The following LY96 variants were observed in gnomAD, a reference collection of about 807,000 sequenced individuals.
LY96 encodes the protein myeloid differentiation protein-2.
Under a neutral mutation model 18.9 loss-of-function variants are expected in LY96, and 18 were observed. The observed-to-expected ratio is 0.95, with a 90% CI of 0.66 to 1.41. The LOEUF is 1.41. Among genes scored for constraint, LY96 ranks in the 40% most tolerant of loss-of-function variants. The probability of loss-of-function intolerance (pLI) is 0.00; values close to 1 mark genes in which losing one functional copy is unlikely to be tolerated. For synonymous variants in LY96, 66 were observed against 62.6 expected, an observed-to-expected ratio of 1.06 and a Z score of -0.26; for missense variants, 175 against 182.4, an observed-to-expected ratio of 0.96 and a Z score of 0.23.
At chr8:74,042,526 A>G in the LY96 span, among the ~76,000 whole-genome samples, 1 of 152,226 alleles carries the variant, frequency 6.6e-6, no homozygotes, top group African/African-American at 2.4e-5. Context: ...CTCAAAAAAA[A>G]AAATTTGGGA....
the LY96 span, among the ~76,000 whole-genome samples, chr8:74,089,125 A>T: frequency 6.6e-6 from 1 of 152,108 alleles, no homozygotes; most frequent in Non-Finnish European, 1.5e-5. Context: ...CCTCTCATAT[A>T]CCTCAGGGGC....
At chr8:74,026,895 T>A in intron 4 of LY96, 54 bp downstream of exon 4, 1 of 905,162 alleles carries the variant, frequency 1.1e-6, no homozygotes, top group Admixed American at 1.9e-5. Flanking sequence ...AATAGACATG[T>A]TAAGCATTTG....
At chr8:74,023,574 G>A (rs1816811933) in intron 3 of LY96, among the ~76,000 whole-genome samples, 1 of 152,174 alleles carries the variant, frequency 6.6e-6, no homozygotes, top group African/African-American at 2.4e-5. Context: ...GCCCCCAGTC[G>A]TGGAGGAGCC....
chr8:74,088,143 T>TAGAATAGAATAGAATAGAAA, the LY96 span, among the ~76,000 whole-genome samples: 5 of 139,074 alleles, frequency 3.6e-5, no homozygotes, highest in South Asian at 2.4e-4. Flanking sequence ...TAGAATAGAA[T>TAGAATAGAATAGAATAGAAA]AGAATAGAAA....
In LY96 at chr8:74,010,031, T is replaced by C; in HGVS notation, c.233T>C (p.Leu78Pro). The change falls in exon 3 of 5, where the codon CTC becomes CCC. Residue 78 changes from leucine to proline, a missense_variant. Transcript: ENST00000284818. ...RRDLKQLYFN[L>P]YITVNTMNLP... ...GATTTAAAGCAATTATATTTCAATC[T>C]CTATATAACTGTCAACACCATGAAT... 6.2e-7 allele frequency: 1 copy of C among 1,606,252 alleles called. No individual in the cohort carries two copies. Among genetic ancestry groups the C allele is most frequent in the Non-Finnish European group, 8.5e-7 (1 of 1,172,996 alleles).
chr8:74,040,525 G>C, the LY96 span, among the ~76,000 whole-genome samples: 1 of 152,136 alleles, frequency 6.6e-6, no homozygotes, highest in African/African-American at 2.4e-5. Flanking sequence ...ATGAGAGATA[G>C]AGGTCTAGCT....
chr8:74,047,344 C>G, the LY96 span, among the ~76,000 whole-genome samples: 6 of 152,274 alleles, frequency 3.9e-5, no homozygotes, highest in East Asian at 1.2e-3. Flanking sequence ...CCTTGCACAG[C>G]CAAGAAGGTG....
chr8:74,005,535 C>T (rs1475674946), intron 2 of LY96, among the ~76,000 whole-genome samples: 7 of 152,140 alleles, frequency 4.6e-5, no homozygotes, highest in African/African-American at 1.4e-4. Flanking sequence ...TATTGGGTTT[C>T]CATTAGTCAA....
At chr8:74,028,472 T>C (rs75218174) in intron 4 of LY96, among the ~76,000 whole-genome samples, 2,067 of 152,278 alleles carry the variant, frequency 0.014, 38 homozygotes, top group African/African-American at 0.046. Flanking sequence ...AATGTGAACA[T>C]TGTTTAGGAG....
intron 3 of LY96, among the ~76,000 whole-genome samples, chr8:74,019,921 C>T (rs150525010): frequency 0.016 from 2,400 of 152,190 alleles, 25 homozygotes; most frequent in Non-Finnish European, 0.024. Context: ...GAACGTATCT[C>T]AAAATAATAA....
At chr8:73,994,172 G>A (rs1286821928) in intron 1 of LY96, among the ~76,000 whole-genome samples, 1 of 151,558 alleles carries the variant, frequency 6.6e-6, no homozygotes, top group Non-Finnish European at 1.5e-5. Context: ...CTTTATGAAG[G>A]AGGATCTTCC....
chr8:74,077,298 A>C, the LY96 span, among the ~76,000 whole-genome samples: 4 of 152,336 alleles, frequency 2.6e-5, no homozygotes, highest in East Asian at 7.7e-4. Flanking sequence ...TGATCTAAAC[A>C]GGCGCTTTAT....
the LY96 span, among the ~76,000 whole-genome samples, chr8:74,086,472 A>C: frequency 6.6e-6 from 1 of 152,164 alleles, no homozygotes; most frequent in Admixed American, 6.5e-5. Flanking sequence ...GTTCCAATTA[A>C]TCACGAGAAT....
chr8:74,082,408 A>G, the LY96 span, among the ~76,000 whole-genome samples: 3 of 152,206 alleles, frequency 2.0e-5, no homozygotes, highest in Admixed American at 1.3e-4. Flanking sequence ...AAGGCTTTCA[A>G]ATGCTTCCAA....
At chr8:74,016,553 G>GTC (rs1427846190) in intron 3 of LY96, among the ~76,000 whole-genome samples, 1 of 152,214 alleles carries the variant, frequency 6.6e-6, no homozygotes, top group African/African-American at 2.4e-5. Context: ...CGGACAGACT[G>GTC]TCTCCTCAAG....
the LY96 span, among the ~76,000 whole-genome samples, chr8:74,067,434 A>G: frequency 2.0e-5 from 3 of 152,158 alleles, no homozygotes; most frequent in African/African-American, 7.2e-5. Context: ...TACGTTGCCC[A>G]CACTGGTCTC....
intron 3 of LY96, among the ~76,000 whole-genome samples, chr8:74,010,756 A>G (rs1816513718): frequency 6.6e-6 from 1 of 152,090 alleles, no homozygotes; most frequent in Admixed American, 6.5e-5. Context: ...TGTCATCTTT[A>G]TAATGAGGGA....
chr8:74,035,056 A>AT, the LY96 span, among the ~76,000 whole-genome samples: 9 of 152,332 alleles, frequency 5.9e-5, no homozygotes, highest in African/African-American at 1.9e-4. Context: ...GAAGATATAT[A>AT]TTTAAAAACT....
At position 74,018,916 on chromosome 8, in the gene LY96, T is replaced by G. The variant is rs182751996; in HGVS notation, c.332-7873T>G. 4.2e-3 allele frequency among the ~76,000 whole-genome samples: 639 copies of G among 152,284 alleles called. 20 individuals carry two copies. Among genetic ancestry groups the G allele is most frequent in the Admixed American group, 0.038 (575 of 15,290 alleles). On this transcript the variant is annotated intron_variant, in intron 3 of 4. Transcript: ENST00000284818. The stretch of plus-strand genomic sequence containing the variant: ...ACGTACCAGAATCTCTGGGACACAT[T>G]TAAATCAGTGTGTAGAGGGAAATTT...
Sources: allele counts gnomAD v4.1 joint callset (sites outside exome capture counted in the v4.1 genomes callset), GRCh38; gene constraint gnomAD v4.1.1; transcripts MANE v1.5; gene names NCBI Gene and HGNC (gene_info 2026-07-23, HGNC 2026-07-21).